Variants in SMIM36 observed in about 807,000 individuals in gnomAD.
The protein encoded by SMIM36 is small integral membrane protein 36.
chr17:55,520,186 G>C, the SMIM36 span, among the ~76,000 whole-genome samples: 15 of 152,194 alleles, frequency 9.9e-5, no homozygotes, highest in South Asian at 1.9e-3. Flanking sequence ...TCTCCTCTGT[G>C]TGTGTAAAAT....
intron 4 of SMIM36, among the ~76,000 whole-genome samples, chr17:55,460,443 A>AC (rs200939695): frequency 0.031 from 4,643 of 149,992 alleles, 295 homozygotes; most frequent in African/African-American, 0.1. Context: ...CAAAAAACAA[A>AC]AAACAAAACA....
intron 1 of SMIM36, among the ~76,000 whole-genome samples, chr17:55,492,054 G>C (rs1909715875): frequency 6.6e-6 from 1 of 151,536 alleles, no homozygotes; most frequent in Non-Finnish European, 1.5e-5. Flanking sequence ...AGCTACTCGG[G>C]AGGCTGAGGC....
chr17:55,487,521 A>G (rs1909628678), intron 1 of SMIM36, among the ~76,000 whole-genome samples: 1 of 152,176 alleles, frequency 6.6e-6, no homozygotes, highest in Non-Finnish European at 1.5e-5. Context: ...CAAAAATTCC[A>G]GAGGCTAAAA....
chr17:55,458,598 C>T (rs536410351), intron 4 of SMIM36: 154 of 141,210 alleles, frequency 1.1e-3, no homozygotes, highest in African/African-American at 3.7e-3. Context: ...CACACACATC[C>T]TAGCGGGCAG....
the SMIM36 span, among the ~76,000 whole-genome samples, chr17:55,517,447 T>A: frequency 6.6e-6 from 1 of 151,860 alleles, no homozygotes; most frequent in Admixed American, 6.6e-5. Flanking sequence ...GCTGAGGGAG[T>A]CCCAGCTTGG....
the SMIM36 span, among the ~76,000 whole-genome samples, chr17:55,521,764 C>T: frequency 6.6e-6 from 1 of 151,908 alleles, no homozygotes; most frequent in Non-Finnish European, 1.5e-5. Flanking sequence ...GAGGGAGGTG[C>T]AAGCACCATA....
intron 1 of SMIM36, among the ~76,000 whole-genome samples, chr17:55,491,822 G>A (rs1395436377): frequency 1.3e-5 from 2 of 152,176 alleles, no homozygotes; most frequent in Admixed American, 6.5e-5. Context: ...TGGAGCCACT[G>A]CATCTGGCTC....
chr17:55,465,674 G>A (rs992657536), intron 4 of SMIM36, among the ~76,000 whole-genome samples: 1 of 152,048 alleles, frequency 6.6e-6, no homozygotes, highest in Non-Finnish European at 1.5e-5. Context: ...TCATCAGGTG[G>A]TGATTTCCAG....
At chr17:55,490,552 T>C (rs1224999296) in intron 1 of SMIM36, among the ~76,000 whole-genome samples, 1 of 152,160 alleles carries the variant, frequency 6.6e-6, no homozygotes, top group African/African-American at 2.4e-5. Context: ...TGATATGGTC[T>C]CAGAGTGAGA....
At chr17:55,458,458 C>A (rs1909071188) in intron 4 of SMIM36, 1 of 152,124 alleles carries the variant, frequency 6.6e-6, no homozygotes, top group South Asian at 2.1e-4. Flanking sequence ...TAGGGATCCA[C>A]CCCACGGACC....
the SMIM36 span, among the ~76,000 whole-genome samples, chr17:55,518,742 T>C: frequency 2.0e-5 from 3 of 152,044 alleles, no homozygotes; most frequent in Non-Finnish European, 4.4e-5. Context: ...GAAAGCATCA[T>C]GCGAGCCCAT....
At chr17:55,516,265 A>C (rs1252590073), upstream of SMIM36, among the ~76,000 whole-genome samples, 1 of 152,224 alleles carries the variant, frequency 6.6e-6, no homozygotes, top group Non-Finnish European at 1.5e-5. Context: ...CCCAAGACTT[A>C]TTTGAACCAA....
rs10555912 is a variant in SMIM36, at chr17:55,493,808, CAAAAAAA to C, written c.*175-14235_*175-14229del. On this transcript the variant is annotated intron_variant, in intron 1 of 4. Transcript: ENST00000636752. Reference sequence around the variant, plus strand: ...ATGGGCAGCAGAGCTCTCTCTCTCTCAAAAAAAAAAAAAAAAAAAAAAAAAAGCAGCA... The same window carrying C: ...ATGGGCAGCAGAGCTCTCTCTCTCTCAAAAAAAAAAAAAAAAAAAGCAGCA... Among the ~76,000 whole-genome samples the C allele has an allele frequency of 1.4e-3, 91 of 65,110 alleles. 1 individual carries two copies. Among genetic ancestry groups the C allele is most frequent in the African/African-American group, 4.0e-3 (74 of 18,566 alleles). The allele number at this position is 65,110 out of a possible 152,430, so 42.7% of individuals were successfully genotyped here. A position where few individuals can be genotyped will look rare whatever the true frequency, so the allele number is the denominator to read the frequency against.
At chr17:55,466,972 G>A (rs1486831469) in intron 4 of SMIM36, among the ~76,000 whole-genome samples, 173 bp downstream of exon 4, 1 of 152,204 alleles carries the variant, frequency 6.6e-6, no homozygotes, top group African/African-American at 2.4e-5. Context: ...TAACAGAAGG[G>A]GGAAATGAGG....
chr17:55,501,383 A>T (rs1370738226), intron 1 of SMIM36, among the ~76,000 whole-genome samples: 714 of 28,906 alleles, frequency 0.025, 15 homozygotes, highest in Middle Eastern at 0.083. Context: ...TATATTATAG[A>T]ATATAATATA....
chr17:55,472,810 G>A (rs1473640753), intron 3 of SMIM36, among the ~76,000 whole-genome samples: 1 of 150,908 alleles, frequency 6.6e-6, no homozygotes, highest in African/African-American at 2.4e-5. Flanking sequence ...GGAGGTTGCA[G>A]TGAGCCGAGA....
At chr17:55,529,902 A>C in the SMIM36 span, among the ~76,000 whole-genome samples, 2 of 152,250 alleles carry the variant, frequency 1.3e-5, no homozygotes, top group African/African-American at 4.8e-5. Context: ...TAGCAGATGA[A>C]TCTTCATTGC....
At chr17:55,507,793 C>A (rs932652022) in intron 1 of SMIM36, among the ~76,000 whole-genome samples, 1 of 151,984 alleles carries the variant, frequency 6.6e-6, no homozygotes, top group Non-Finnish European at 1.5e-5. Flanking sequence ...GCGCACTTTA[C>A]CTCTTCCGAA....
chr17:55,529,762 G>C, the SMIM36 span, among the ~76,000 whole-genome samples: 13 of 152,128 alleles, frequency 8.5e-5, no homozygotes, highest in Non-Finnish European at 1.6e-4. Context: ...CTGCACTCCA[G>C]CCTGGGTGAT....
Sources: gnomAD v4.1 joint callset for allele counts (sites outside exome capture counted in the v4.1 genomes callset) on GRCh38, gnomAD v4.1.1 for gene constraint, MANE v1.5 for transcripts, NCBI Gene and HGNC (gene_info 2026-07-23, HGNC 2026-07-21) for gene names.